Variants in PTPRD observed in about 807,000 individuals in gnomAD.
PTPRD encodes the protein receptor-type tyrosine-protein phosphatase delta.
In PTPRD, 34 loss-of-function variants were observed where a neutral mutation model predicts 214.5. The ratio of observed to expected loss-of-function variants is 0.16; its 90% CI spans 0.12 to 0.21. The LOEUF is 0.21. Among genes scored for constraint, PTPRD ranks in the 10% least tolerant of loss-of-function variants. PTPRD has a pLI of 1.00. For missense variants in PTPRD, 2,545 were observed against 2,398.7 expected, an observed-to-expected ratio of 1.06 and a Z score of -1.27; for synonymous variants, 1,128 against 845.7, an observed-to-expected ratio of 1.33 and a Z score of -5.79.
chr9:8,431,641 A>G (rs559341636), intron 35 of PTPRD, among the ~76,000 whole-genome samples: 22 of 152,308 alleles, frequency 1.4e-4, no homozygotes, highest in Non-Finnish European at 2.5e-4. Flanking sequence ...GTTCTGTAAT[A>G]CATTACCCTA....
chr9:10,529,820 C>T (rs2134604691), intron 2 of PTPRD, among the ~76,000 whole-genome samples: 1 of 150,690 alleles, frequency 6.6e-6, no homozygotes, highest in East Asian at 2.0e-4. Context: ...AACCAAACAC[C>T]ACATGTTCTC....
intron 2 of PTPRD, among the ~76,000 whole-genome samples, chr9:10,544,677 G>C (rs996374707): frequency 8.5e-5 from 13 of 152,150 alleles, no homozygotes; most frequent in Non-Finnish European, 1.6e-4. Flanking sequence ...AGATTTTTGA[G>C]TATCAAATGT....
intron 11 of PTPRD, among the ~76,000 whole-genome samples, chr9:8,993,140 T>G (rs1188188853): frequency 6.6e-6 from 1 of 152,008 alleles, no homozygotes; most frequent in Non-Finnish European, 1.5e-5. Context: ...TATGCACAGA[T>G]AGGGACTTAT....
At chr9:10,189,287 G>A (rs2099352062) in intron 3 of PTPRD, among the ~76,000 whole-genome samples, 1 of 152,156 alleles carries the variant, frequency 6.6e-6, no homozygotes, top group African/African-American at 2.4e-5. Flanking sequence ...CTGGCTGCAG[G>A]AGGAAACATG....
intron 3 of PTPRD, among the ~76,000 whole-genome samples, chr9:10,182,818 G>A (rs752437059): frequency 2.0e-5 from 3 of 152,072 alleles, no homozygotes; most frequent in Admixed American, 6.6e-5. Flanking sequence ...AATACTTTAT[G>A]ACAGTATGCA....
intron 11 of PTPRD, among the ~76,000 whole-genome samples, chr9:8,841,181 G>T (rs901712745): frequency 6.6e-6 from 1 of 152,136 alleles, no homozygotes; most frequent in Non-Finnish European, 1.5e-5. Flanking sequence ...GAAGGAACTT[G>T]ATTTTCACCC....
chr9:8,881,843 A>T (rs2098448743), intron 11 of PTPRD, among the ~76,000 whole-genome samples: 2 of 152,232 alleles, frequency 1.3e-5, no homozygotes, highest in South Asian at 4.1e-4. Flanking sequence ...AGAGATCCTC[A>T]GTTACCTTTC....
intron 11 of PTPRD, 117 bp from the exon 12 acceptor site, chr9:8,734,063 T>C (rs1032289536): frequency 1.7e-6 from 1 of 577,338 alleles, no homozygotes; most frequent in African/African-American, 1.9e-5. Flanking sequence ...CCATTGTAAA[T>C]ACACAATAAA....
intron 11 of PTPRD, among the ~76,000 whole-genome samples, chr9:8,925,575 G>A (rs1487891261): frequency 1.2e-4 from 4 of 33,644 alleles, no homozygotes; most frequent in African/African-American, 4.8e-4. Context: ...CACCACCCCC[G>A]CCAACCAAGA....
At chr9:9,534,324 T>C (rs1043561619) in intron 8 of PTPRD, among the ~76,000 whole-genome samples, 2 of 152,066 alleles carry the variant, frequency 1.3e-5, no homozygotes, top group African/African-American at 2.4e-5. Context: ...TGTTCTTTAT[T>C]CTTCAAAATT....
intron 14 of PTPRD, among the ~76,000 whole-genome samples, chr9:8,613,601 G>A (rs1208121640): frequency 6.6e-6 from 1 of 152,046 alleles, no homozygotes; most frequent in African/African-American, 2.4e-5. Flanking sequence ...CCCAGAAAAT[G>A]ATCACTCACC....
At chr9:9,746,397 A>T (rs2098458370) in intron 6 of PTPRD, among the ~76,000 whole-genome samples, 1 of 152,170 alleles carries the variant, frequency 6.6e-6, no homozygotes, top group Admixed American at 6.5e-5. Context: ...CATATCTAAA[A>T]ATCTATCAGG....
intron 7 of PTPRD, among the ~76,000 whole-genome samples, chr9:9,614,905 C>A (rs1196198605): frequency 2.6e-5 from 4 of 152,106 alleles, no homozygotes; most frequent in Non-Finnish European, 5.9e-5. Flanking sequence ...CCAATGCACC[C>A]TTCAATATAA....
intron 3 of PTPRD, among the ~76,000 whole-genome samples, chr9:10,277,561 G>T (rs914422094): frequency 1.4e-5 from 2 of 145,778 alleles, no homozygotes; most frequent in Admixed American, 7.1e-5. Flanking sequence ...CTGATTAGCT[G>T]AGTGTCTGAT....
chr9:10,173,227 A>G (rs959319116), intron 3 of PTPRD, among the ~76,000 whole-genome samples: 1 of 152,206 alleles, frequency 6.6e-6, no homozygotes, highest in Non-Finnish European at 1.5e-5. Flanking sequence ...GTATTCTAGT[A>G]GTGTTTTAAA....
At chr9:8,948,543 T>TTTATATATATATTTATACATATATATTTA (rs2099084319) in intron 11 of PTPRD, among the ~76,000 whole-genome samples, 7 of 31,186 alleles carry the variant, frequency 2.2e-4, no homozygotes, top group Non-Finnish European at 3.0e-4. Context: ...ATATATATAT[T>TTTATATATATATTTATACATATATATTTA]TATATATATT....
intron 30 of PTPRD, 129 bp downstream of exon 30, chr9:8,483,990 G>C (rs1424814924): frequency 8.4e-7 from 1 of 1,196,902 alleles, no homozygotes; most frequent in African/African-American, 1.5e-5. Context: ...GCAAAACTGG[G>C]AGTCTGAGCA....
At chr9:10,234,289 A>T (rs1477438845) in intron 3 of PTPRD, among the ~76,000 whole-genome samples, 1 of 151,852 alleles carries the variant, frequency 6.6e-6, no homozygotes, top group Non-Finnish European at 1.5e-5. Context: ...TTACAAAATC[A>T]TGTTTTTAAA....
chr9:8,890,825 A>AT (rs919727928), intron 11 of PTPRD, among the ~76,000 whole-genome samples: 2 of 152,084 alleles, frequency 1.3e-5, no homozygotes, highest in African/African-American at 4.8e-5. Flanking sequence ...GCCTATTTTC[A>AT]TTTGTTACTT....
Sources: allele counts gnomAD v4.1 joint callset (sites outside exome capture counted in the v4.1 genomes callset), GRCh38; gene constraint gnomAD v4.1.1; transcripts MANE v1.5; gene names NCBI Gene and HGNC (gene_info 2026-07-23, HGNC 2026-07-21).